IQCK: variants seen among roughly 807,000 people sequenced by gnomAD.
IQCK encodes the protein IQ motif containing K.
IQCK carries 29 observed loss-of-function variants against 28.1 expected under a neutral mutation model. That is an observed-to-expected ratio of 1.03 (90% CI 0.77 to 1.41). The LOEUF (loss-of-function observed/expected upper bound fraction) is 1.41, where lower values mean the gene tolerates loss of function less well. IQCK is among the 40% of genes most tolerant of loss of function. IQCK has a pLI of 0.00. For missense variants in IQCK, 359 were observed against 314.7 expected, an observed-to-expected ratio of 1.14 and a Z score of -1.07; for synonymous variants, 113 against 115.1, an observed-to-expected ratio of 0.98 and a Z score of 0.12.
At chr16:19,735,600 C>T in intron 4 of IQCK, 150 bp downstream of exon 4, 1 of 653,462 alleles carries the variant, frequency 1.5e-6, no homozygotes, top group South Asian at 1.8e-5. Context: ...TACCCAGTTC[C>T]AGCCACACCA....
chr16:19,849,888 A>G (rs1261207380), intron 9 of IQCK, among the ~76,000 whole-genome samples: 5 of 152,222 alleles, frequency 3.3e-5, no homozygotes, highest in Admixed American at 3.3e-4. Flanking sequence ...AGAAGCCTCC[A>G]TGCCCTCGTG....
intron 7 of IQCK, among the ~76,000 whole-genome samples, chr16:19,808,218 T>A (rs1389013862): frequency 1.3e-5 from 2 of 152,144 alleles, no homozygotes; most frequent in African/African-American, 2.4e-5. Flanking sequence ...GCCCTTCCCT[T>A]CCCCCTGCCT....
At chr16:19,779,172 A>G (rs891246289) in intron 6 of IQCK, among the ~76,000 whole-genome samples, 2 of 152,156 alleles carry the variant, frequency 1.3e-5, no homozygotes, top group African/African-American at 2.4e-5. Flanking sequence ...TAAAAAGATC[A>G]GTCCGGCAGC....
At chr16:19,749,921 C>G (rs1359430813) in intron 4 of IQCK, among the ~76,000 whole-genome samples, 7 of 152,060 alleles carry the variant, frequency 4.6e-5, no homozygotes, top group Non-Finnish European at 4.4e-5. Flanking sequence ...GTGGGAGGCA[C>G]TACAGTGTAA....
chr16:19,799,597 T>TACACACACACAC (rs529119301), intron 7 of IQCK, among the ~76,000 whole-genome samples: 5 of 111,684 alleles, frequency 4.5e-5, no homozygotes, highest in African/African-American at 2.6e-4. Context: ...TATATATATA[T>TACACACACACAC]ACACACACAC....
downstream of IQCK, among the ~76,000 whole-genome samples, chr16:19,827,737 C>T (rs2056167793): frequency 6.6e-6 from 1 of 152,256 alleles, no homozygotes; most frequent in East Asian, 1.9e-4. Context: ...GTTGCATGGA[C>T]TCTGCCTGGC....
intron 4 of IQCK, chr16:19,761,560 AT>A (rs2055143621): frequency 7.9e-6 from 2 of 253,714 alleles, no homozygotes; most frequent in African/African-American, 4.4e-5. Context: ...AGCTCCTGCT[AT>A]TTTAAAAGAA....
At chr16:19,753,477 T>C (rs904634500) in intron 4 of IQCK, among the ~76,000 whole-genome samples, 1 of 152,086 alleles carries the variant, frequency 6.6e-6, no homozygotes, top group Non-Finnish European at 1.5e-5. Flanking sequence ...AATAGGTCCT[T>C]GGAACTAGGG....
At chr16:19,767,872 T>C (rs542447462) in intron 6 of IQCK, among the ~76,000 whole-genome samples, 1 of 151,966 alleles carries the variant, frequency 6.6e-6, no homozygotes, top group African/African-American at 2.4e-5. Context: ...AGAGCGAGAC[T>C]CCATCTCAAT....
intron 7 of IQCK, among the ~76,000 whole-genome samples, chr16:19,804,539 A>G (rs1168648462): frequency 6.6e-6 from 1 of 151,830 alleles, no homozygotes; most frequent in Admixed American, 6.6e-5. Flanking sequence ...CCAGGCTCAA[A>G]CAGCCCTCCC....
intron 4 of IQCK, among the ~76,000 whole-genome samples, chr16:19,753,297 G>A (rs1408630742): frequency 6.6e-6 from 1 of 151,946 alleles, no homozygotes; most frequent in Non-Finnish European, 1.5e-5. Flanking sequence ...CAGGTGGCAT[G>A]TGCCTGTAGT....
intron 7 of IQCK, among the ~76,000 whole-genome samples, chr16:19,803,232 T>A (rs112966504): frequency 2.0e-5 from 3 of 152,116 alleles, no homozygotes; most frequent in African/African-American, 7.2e-5. Flanking sequence ...AACCTCCACC[T>A]CCCAGGTTCA....
In IQCK at chr16:19,823,826, G is replaced by C. The variant is rs191197678; in HGVS notation, c.691-3200G>C. On this transcript the variant is annotated intron_variant, in intron 7 of 7. Coordinates refer to ENST00000564186, the Ensembl canonical transcript of IQCK. Reference sequence around the variant, plus strand: ...TGCATGCCTGTAATCCCAGCTACTCGTGAGGCTGAGGCAGCAGAATTGCTT... The same window carrying C: ...TGCATGCCTGTAATCCCAGCTACTCCTGAGGCTGAGGCAGCAGAATTGCTT... Among the ~76,000 whole-genome samples, 536 of 152,208 alleles carry C rather than the reference G, an allele frequency of 3.5e-3. 6 individuals carry two copies. The highest frequency in any genetic ancestry group is 0.011 in the African/African-American group (453 of 41,532).
At chr16:19,807,445 A>G (rs1304615665) in intron 7 of IQCK, among the ~76,000 whole-genome samples, 1 of 152,254 alleles carries the variant, frequency 6.6e-6, no homozygotes, top group Admixed American at 6.5e-5. Context: ...GGATAAAAGT[A>G]GAAGCAGGAA....
chr16:19,837,651 T>C (rs1324507480), intron 9 of IQCK, among the ~76,000 whole-genome samples: 1 of 152,214 alleles, frequency 6.6e-6, no homozygotes, highest in Admixed American at 6.5e-5. Context: ...TTTAGTAATA[T>C]TTTTTAAAGC....
At chr16:19,740,856 T>G (rs969512832) in intron 4 of IQCK, among the ~76,000 whole-genome samples, 32 of 151,106 alleles carry the variant, frequency 2.1e-4, no homozygotes, top group African/African-American at 7.1e-4. Flanking sequence ...GAGTCCCAGC[T>G]ACTCGGGAGG....
intron 7 of IQCK, among the ~76,000 whole-genome samples, chr16:19,815,169 G>C (rs1364460519): frequency 6.6e-6 from 1 of 151,964 alleles, no homozygotes; most frequent in Non-Finnish European, 1.5e-5. Flanking sequence ...TCATTCACCA[G>C]CCACCCAACT....
chr16:19,849,259 A>G (rs1484504836), intron 9 of IQCK, among the ~76,000 whole-genome samples: 2 of 132,114 alleles, frequency 1.5e-5, no homozygotes, highest in African/African-American at 2.9e-5. Context: ...ATCTATGTTC[A>G]GGTTTTTTTT....
At chr16:19,818,673 G>A (rs532784047) in intron 7 of IQCK, among the ~76,000 whole-genome samples, 6 of 152,260 alleles carry the variant, frequency 3.9e-5, no homozygotes, top group East Asian at 1.9e-4. Context: ...GATTACAGGT[G>A]TGAGCCATCG....
Sources: gnomAD v4.1 joint callset for allele counts (sites outside exome capture counted in the v4.1 genomes callset) on GRCh38, gnomAD v4.1.1 for gene constraint, MANE v1.5 for transcripts, NCBI Gene and HGNC (gene_info 2026-07-23, HGNC 2026-07-21) for gene names.